The following SMOC1 variants were observed in gnomAD, a reference collection of about 807,000 sequenced individuals.
The protein encoded by SMOC1 is SPARC related modular calcium binding 1.
A neutral mutation model predicts 56.3 loss-of-function variants in SMOC1; 22 were observed. The observed-to-expected ratio is 0.39, with a 90% confidence interval of 0.28 to 0.56. The LOEUF (loss-of-function observed/expected upper bound fraction) is 0.56. SMOC1 is among the 20% of genes least tolerant of loss of function. The pLI, the probability that SMOC1 is intolerant of heterozygous loss-of-function variation, is 0.61. For missense variants in SMOC1, 509 were observed against 565.4 expected, an observed-to-expected ratio of 0.90 and a Z score of 1.01; for synonymous variants, 193 against 215.0, an observed-to-expected ratio of 0.90 and a Z score of 0.89.
At chr14:69,944,488 G>A (rs192790661) in intron 1 of SMOC1, among the ~76,000 whole-genome samples, 19 of 152,284 alleles carry the variant, frequency 1.2e-4, no homozygotes, top group African/African-American at 4.6e-4. Flanking sequence ...TTTGCAGATT[G>A]GACATTTGCA....
At chr14:69,891,637 C>A (rs1316990624) in intron 1 of SMOC1, among the ~76,000 whole-genome samples, 2 of 152,164 alleles carry the variant, frequency 1.3e-5, no homozygotes, top group African/African-American at 2.4e-5. Context: ...CTTCTCCCGG[C>A]CTGTGCCTGC....
At chr14:69,904,314 C>CTGCCT (rs1258001292) in intron 1 of SMOC1, among the ~76,000 whole-genome samples, 1 of 152,210 alleles carries the variant, frequency 6.6e-6, no homozygotes, top group Non-Finnish European at 1.5e-5. Context: ...GTGAAACCAG[C>CTGCCT]TGCCTTGATC....
At chr14:69,911,070 T>C (rs1174158638) in intron 1 of SMOC1, among the ~76,000 whole-genome samples, 1 of 152,220 alleles carries the variant, frequency 6.6e-6, no homozygotes, top group Non-Finnish European at 1.5e-5. Context: ...ATCATGGAAC[T>C]TGTTGCTAAT....
chr14:70,014,454 A>G (rs930013036), intron 10 of SMOC1, among the ~76,000 whole-genome samples: 1 of 152,222 alleles, frequency 6.6e-6, no homozygotes, highest in African/African-American at 2.4e-5. Context: ...AGAGAAGGAA[A>G]GGATACTGTG....
chr14:69,996,943 T>A (rs1884786663), intron 7 of SMOC1, among the ~76,000 whole-genome samples: 1 of 152,256 alleles, frequency 6.6e-6, no homozygotes, highest in South Asian at 2.1e-4. Flanking sequence ...TAAAGTTGGG[T>A]TGGATCACAG....
chr14:69,918,722 C>T (rs994091672), intron 1 of SMOC1, among the ~76,000 whole-genome samples: 1 of 152,192 alleles, frequency 6.6e-6, no homozygotes, highest in Non-Finnish European at 1.5e-5. Flanking sequence ...ACATGTTAGA[C>T]ACCTAGAACC....
intron 1 of SMOC1, among the ~76,000 whole-genome samples, chr14:69,921,110 C>T (rs1308995485): frequency 6.6e-6 from 1 of 152,204 alleles, no homozygotes; most frequent in African/African-American, 2.4e-5. Context: ...CGAACCTTCT[C>T]TCGCACAGAC....
intron 1 of SMOC1, among the ~76,000 whole-genome samples, chr14:69,895,615 C>T (rs1323250455): frequency 6.6e-6 from 1 of 152,184 alleles, no homozygotes; most frequent in Admixed American, 6.5e-5. Flanking sequence ...CTCCCTGCAT[C>T]TCTGCCAGTG....
At chr14:69,885,919 C>T (rs1470076653) in intron 1 of SMOC1, 10 of 1,598,958 alleles carry the variant, frequency 6.3e-6, no homozygotes, top group Middle Eastern at 4.2e-4. Context: ...GAGGCACTTT[C>T]AGCCGCTTAT....
chr14:70,005,901 A>C (rs962890432), intron 7 of SMOC1, among the ~76,000 whole-genome samples: 4 of 152,270 alleles, frequency 2.6e-5, no homozygotes, highest in African/African-American at 9.6e-5. Context: ...ACCTGGCCAG[A>C]CCTTCTAATC....
At position 69,954,772 on chromosome 14, in the gene SMOC1, G is replaced by C. The variant is rs28505725; in HGVS notation, c.378+1240G>C. Among the ~76,000 whole-genome samples, 713 of 152,276 alleles carry C rather than the reference G, an allele frequency of 4.7e-3. 4 individuals are homozygous for C. The highest frequency in any genetic ancestry group is 0.016 in the African/African-American group (652 of 41,550). The stretch of plus-strand genomic sequence containing the variant: ...GGGAATCCTGTTGTCTTAGAGCCGG[G>C]GCAGAGGCTTCAGGGGTTTAAAAGT... On this transcript the variant is annotated intron_variant, in intron 3 of 11. Coordinates refer to ENST00000361956, the MANE Select transcript of SMOC1 (RefSeq NM_001034852.3).
At chr14:70,029,312 G>A (rs1248839981) in intron 11 of SMOC1, among the ~76,000 whole-genome samples, 2 of 152,312 alleles carry the variant, frequency 1.3e-5, no homozygotes, top group African/African-American at 2.4e-5. Context: ...CTGAGCTGCT[G>A]CTGGATTCCT....
At chr14:69,885,754 C>T (rs879106530) in intron 1 of SMOC1, 66 of 1,496,186 alleles carry the variant, frequency 4.4e-5, no homozygotes, top group South Asian at 1.9e-4. Context: ...GTCTCTTCTT[C>T]GGGACGTCCC....
chr14:70,014,129 T>C (rs1012281244), intron 10 of SMOC1, among the ~76,000 whole-genome samples: 4 of 152,230 alleles, frequency 2.6e-5, no homozygotes, highest in Non-Finnish European at 4.4e-5. Context: ...ATCCATCCGC[T>C]TACCACCTTT....
intron 3 of SMOC1, among the ~76,000 whole-genome samples, chr14:69,959,161 T>C (rs1298311189): frequency 1.3e-5 from 2 of 152,220 alleles, no homozygotes; most frequent in African/African-American, 2.4e-5. Context: ...AATATTTTCT[T>C]AGCTAAGTAT....
chr14:69,936,884 G>A (rs1406177577), intron 1 of SMOC1, among the ~76,000 whole-genome samples: 1 of 152,120 alleles, frequency 6.6e-6, no homozygotes, highest in Admixed American at 6.5e-5. Flanking sequence ...CTCTTTTTCT[G>A]TCTGGAGTGG....
At chr14:69,979,374 CT>C (rs1474406898) in intron 5 of SMOC1, among the ~76,000 whole-genome samples, 1 of 152,192 alleles carries the variant, frequency 6.6e-6, no homozygotes, top group African/African-American at 2.4e-5. Context: ...TGGGCTACTG[CT>C]CTTTCCCTGG....
In SMOC1 at chr14:69,962,975, A is replaced by G. The variant is rs147115718; in HGVS notation, c.378+9443A>G. Among the ~76,000 whole-genome samples, 13 of 152,198 alleles carry G rather than the reference A, an allele frequency of 8.5e-5. No homozygotes were observed. The East Asian group carries it at 2.5e-3, about 29-fold the overall frequency. On this transcript the variant is annotated intron_variant, in intron 3 of 11. Coordinates refer to ENST00000361956, the MANE Select transcript of SMOC1 (RefSeq NM_001034852.3). The stretch of plus-strand genomic sequence containing the variant: ...GTGTATATTCGGTTGTCTCAGGACT[A>G]CTTGTTGAAAAGACTGTTTTTCCAT...
At chr14:69,932,011 T>G (rs17174862) in intron 1 of SMOC1, among the ~76,000 whole-genome samples, 1 of 152,186 alleles carries the variant, frequency 6.6e-6, no homozygotes, top group African/African-American at 2.4e-5. Flanking sequence ...GCCAAAGCCA[T>G]GGAGCATCCG....
Sources: gnomAD v4.1 joint callset for allele counts (sites outside exome capture counted in the v4.1 genomes callset) on GRCh38, gnomAD v4.1.1 for gene constraint, MANE v1.5 for transcripts, NCBI Gene and HGNC (gene_info 2026-07-23, HGNC 2026-07-21) for gene names.